SLC25A48: variants seen among roughly 807,000 people sequenced by gnomAD.
SLC25A48 encodes CTC-321K16.1.
SLC25A48 carries 29 observed loss-of-function variants against 32.2 expected under a neutral mutation model. The ratio of observed to expected loss-of-function variants is 0.90; its 90% CI spans 0.67 to 1.23. The LOEUF (loss-of-function observed/expected upper bound fraction) is 1.23, where lower values mean the gene tolerates loss of function less well. Among genes scored for constraint, SLC25A48 ranks in the 50% most tolerant of loss-of-function variants. The pLI, the probability that SLC25A48 is intolerant of heterozygous loss-of-function variation, is 0.00. For synonymous variants in SLC25A48, 164 were observed against 172.3 expected (o/e 0.95, Z 0.38); for missense variants, 399 against 422.7 (o/e 0.94, Z 0.49).
At chr5:135,619,795 TTGGGGTA>T (rs1367661408) in intron 1 of SLC25A48, among the ~76,000 whole-genome samples, 1 of 152,152 alleles carries the variant, frequency 6.6e-6, no homozygotes, top group Non-Finnish European at 1.5e-5. Flanking sequence ...TCTTGGTGGC[TTGGGGTA>T]TGGTTGTTAG....
intron 1 of SLC25A48, among the ~76,000 whole-genome samples, chr5:135,611,760 T>C (rs1417303337): frequency 6.6e-6 from 1 of 151,968 alleles, no homozygotes; most frequent in Non-Finnish European, 1.5e-5. Flanking sequence ...ACAACCAACA[T>C]TGTAGAAAAT....
At chr5:135,589,819 C>A (rs931346362) in intron 1 of SLC25A48, among the ~76,000 whole-genome samples, 1 of 152,098 alleles carries the variant, frequency 6.6e-6, no homozygotes, top group African/African-American at 2.4e-5. Context: ...TTCAGCCTCC[C>A]GAGTAGCTGG....
intron 3 of SLC25A48, among the ~76,000 whole-genome samples, chr5:135,638,128 G>A (rs1752748499): frequency 6.6e-6 from 1 of 152,128 alleles, no homozygotes; most frequent in Admixed American, 6.5e-5. Flanking sequence ...ATTGTGTTTT[G>A]AAGCTGTATG....
chr5:135,608,062 A>G (rs1751979736), intron 1 of SLC25A48, among the ~76,000 whole-genome samples: 1 of 152,170 alleles, frequency 6.6e-6, no homozygotes, highest in African/African-American at 2.4e-5. Context: ...GAAGAAATGT[A>G]CTTGAGTGAG....
intron 3 of SLC25A48, among the ~76,000 whole-genome samples, chr5:135,685,101 AGGTTAAAAATGGTATCTTGTG>A (rs1356538748): frequency 6.6e-6 from 1 of 152,116 alleles, no homozygotes; most frequent in Non-Finnish European, 1.5e-5. Context: ...CCAATCTGAA[AGGTTAAAAATGGTATCTTGTG>A]GTAGTTTCAG....
intron 4 of SLC25A48, among the ~76,000 whole-genome samples, chr5:135,820,773 T>C (rs933592976): frequency 6.6e-6 from 1 of 152,230 alleles, no homozygotes; most frequent in Non-Finnish European, 1.5e-5. Context: ...AAGAGGCTTA[T>C]CTATTACCAT....
intron 3 of SLC25A48, among the ~76,000 whole-genome samples, chr5:135,792,426 C>T (rs893077718): frequency 6.6e-6 from 1 of 151,720 alleles, no homozygotes; most frequent in Non-Finnish European, 1.5e-5. Flanking sequence ...ACTAATGTCA[C>T]AGTGCTTGTA....
chr5:135,695,185 TC>T (rs1404823927), intron 3 of SLC25A48, among the ~76,000 whole-genome samples: 3 of 152,152 alleles, frequency 2.0e-5, no homozygotes, highest in African/African-American at 7.2e-5. Context: ...CAACTCCAAG[TC>T]CCCTCTTCAG....
At chr5:135,807,877 G>A (rs73789193) in intron 3 of SLC25A48, among the ~76,000 whole-genome samples, 36,352 of 149,642 alleles carry the variant, frequency 0.24, 5,021 homozygotes, top group African/African-American at 0.38. Flanking sequence ...TATTTTCTTA[G>A]TATCATAATG....
intron 3 of SLC25A48, chr5:135,714,885 C>G (rs758666644): frequency 4.6e-5 from 7 of 152,332 alleles, no homozygotes; most frequent in Non-Finnish European, 8.8e-5. Context: ...AGGTGACACA[C>G]AGACCATTCT....
chr5:135,602,679 A>G (rs1217884630), intron 1 of SLC25A48, among the ~76,000 whole-genome samples: 2 of 147,574 alleles, frequency 1.4e-5, no homozygotes, highest in Non-Finnish European at 3.0e-5. Context: ...TTTGTTACAT[A>G]TGTATACATG....
At chr5:135,610,427 T>G (rs897632214) in intron 1 of SLC25A48, among the ~76,000 whole-genome samples, 1 of 152,232 alleles carries the variant, frequency 6.6e-6, no homozygotes, top group African/African-American at 2.4e-5. Flanking sequence ...TCATGCCTCA[T>G]GTAGTATTTA....
chr5:135,855,622 G>T (rs142741392), intron 4 of SLC25A48, among the ~76,000 whole-genome samples: 3 of 152,314 alleles, frequency 2.0e-5, no homozygotes, highest in African/African-American at 7.2e-5. Flanking sequence ...AAATGCTAAG[G>T]CCCCTTGTTC....
upstream of SLC25A48, among the ~76,000 whole-genome samples, chr5:135,834,215 T>C (rs1758320376): frequency 6.6e-6 from 1 of 152,088 alleles, no homozygotes. Flanking sequence ...GCGGACAGTG[T>C]AGGGTGAGCC....
chr5:135,780,402 A>G (rs1461460080), intron 3 of SLC25A48, among the ~76,000 whole-genome samples: 2 of 116,598 alleles, frequency 1.7e-5, no homozygotes, highest in African/African-American at 5.2e-5. Context: ...TGTTTCTTAT[A>G]TGCAGGCAGG....
chr5:135,652,705 G>T (rs1753145426), intron 3 of SLC25A48, among the ~76,000 whole-genome samples: 1 of 152,172 alleles, frequency 6.6e-6, no homozygotes, highest in Non-Finnish European at 1.5e-5. Flanking sequence ...CAGAATACAA[G>T]GGTCTGGGAA....
chr5:135,839,087 T>A (rs75571193), intron 1 of SLC25A48, among the ~76,000 whole-genome samples: 20,710 of 152,248 alleles, frequency 0.14, 1,792 homozygotes, highest in Middle Eastern at 0.2. Flanking sequence ...AATTATTTTT[T>A]AAAAAAGAAA....
intron 6 of SLC25A48, among the ~76,000 whole-genome samples, chr5:135,877,365 C>G (rs1762135979): frequency 6.6e-6 from 1 of 152,044 alleles, no homozygotes; most frequent in Non-Finnish European, 1.5e-5. Context: ...GAATGGCAGA[C>G]AGAGGGGGCA....
At chr5:135,886,826 A>G (rs1026371946) in intron 7 of SLC25A48, among the ~76,000 whole-genome samples, 1 of 150,962 alleles carries the variant, frequency 6.6e-6, no homozygotes, top group African/African-American at 2.4e-5. Flanking sequence ...ATGGTCAGGA[A>G]AGTCTTTAAA....
Sources: gnomAD v4.1 joint callset for allele counts (sites outside exome capture counted in the v4.1 genomes callset) on GRCh38, gnomAD v4.1.1 for gene constraint, MANE v1.5 for transcripts, NCBI Gene and HGNC (gene_info 2026-07-23, HGNC 2026-07-21) for gene names.